DLGAP2: variants seen among roughly 807,000 people sequenced by gnomAD.
DLGAP2 encodes the protein DLG associated protein 2, also known as disks large-associated protein 2.
A neutral mutation model predicts 100.3 loss-of-function variants in DLGAP2; 26 were observed. The ratio of observed to expected loss-of-function variants is 0.26; its 90% CI spans 0.19 to 0.36. DLGAP2 has a LOEUF of 0.36. Among genes scored for constraint, DLGAP2 ranks in the 10% least tolerant of loss-of-function variants. DLGAP2 has a pLI of 1.00. For synonymous variants in DLGAP2, 886 were observed against 630.1 expected (o/e 1.41, Z -6.08); for missense variants, 1,858 against 1,453.2 (o/e 1.28, Z -4.53).
In DLGAP2 at chr8:1,433,272, C is replaced by G. The variant is rs186500744; in HGVS notation, c.107-68094C>G. On this transcript the variant is annotated intron_variant, in intron 3 of 14. Coordinates refer to ENST00000637795, the MANE Select transcript of DLGAP2 (RefSeq NM_001346810.2). ...CTCTGGCAACAGAACCCATCCAGCT[C>G]TCTGCTCTACATGTTCCGAAACAAC... 7.3e-3 allele frequency among the ~76,000 whole-genome samples: 1,105 copies of G among 152,344 alleles called. 7 individuals carry two copies. Among genetic ancestry groups the G allele is most frequent in the Non-Finnish European group, 0.012 (809 of 68,024 alleles).
At chr8:895,404 A>T (rs1229953945) in intron 1 of DLGAP2, among the ~76,000 whole-genome samples, 3 of 152,182 alleles carry the variant, frequency 2.0e-5, no homozygotes, top group Non-Finnish European at 4.4e-5. Flanking sequence ...GAGACACAGC[A>T]GCTCTTTCCA....
intron 2 of DLGAP2, among the ~76,000 whole-genome samples, chr8:935,781 G>C (rs1799057143): frequency 6.6e-6 from 1 of 152,180 alleles, no homozygotes; most frequent in African/African-American, 2.4e-5. Context: ...GTTCCTGTTT[G>C]TTGGATACTC....
intron 2 of DLGAP2, among the ~76,000 whole-genome samples, chr8:1,119,312 T>C (rs968720637): frequency 6.6e-6 from 1 of 152,224 alleles, no homozygotes; most frequent in Non-Finnish European, 1.5e-5. Context: ...CTGCAAAATA[T>C]TTTAGTGTCC....
At chr8:1,528,840 C>A (rs1165716133) in intron 4 of DLGAP2, among the ~76,000 whole-genome samples, 1 of 152,194 alleles carries the variant, frequency 6.6e-6, no homozygotes, top group East Asian at 1.9e-4. Flanking sequence ...TTACAGAAAG[C>A]AAACAAATGC....
chr8:988,959 C>A (rs997604244), intron 2 of DLGAP2, among the ~76,000 whole-genome samples: 5 of 152,236 alleles, frequency 3.3e-5, no homozygotes, highest in African/African-American at 1.2e-4. Context: ...TACCTCTTTT[C>A]TTCTCAGGTC....
At chr8:873,794 C>T (rs562748531) in intron 1 of DLGAP2, among the ~76,000 whole-genome samples, 38 of 152,142 alleles carry the variant, frequency 2.5e-4, no homozygotes, top group African/African-American at 8.7e-4. Flanking sequence ...TGTTTTGTGG[C>T]TTAGTTAAGG....
At chr8:1,515,738 A>T (rs986573961) in intron 4 of DLGAP2, among the ~76,000 whole-genome samples, 12 of 133,310 alleles carry the variant, frequency 9.0e-5, no homozygotes, top group African/African-American at 2.7e-4. Context: ...GCACACTCAC[A>T]CACTTGTATG....
chr8:1,044,891 T>G (rs1802474801), intron 2 of DLGAP2, among the ~76,000 whole-genome samples: 1 of 152,192 alleles, frequency 6.6e-6, no homozygotes, highest in Non-Finnish European at 1.5e-5. Context: ...GTTCTGAATA[T>G]TCAAACCTTC....
chr8:1,236,239 C>A (rs1176258764), intron 2 of DLGAP2, among the ~76,000 whole-genome samples: 1 of 66,772 alleles, frequency 1.5e-5, no homozygotes, highest in Non-Finnish European at 2.8e-5. Flanking sequence ...TCTCACATGG[C>A]ACCATGTCTA....
At chr8:1,233,361 T>G (rs1798576936) in intron 2 of DLGAP2, among the ~76,000 whole-genome samples, 1 of 152,240 alleles carries the variant, frequency 6.6e-6, no homozygotes, top group Non-Finnish European at 1.5e-5. Flanking sequence ...TAAGAAGCCT[T>G]TAATTCAATA....
intron 3 of DLGAP2, among the ~76,000 whole-genome samples, chr8:1,428,707 A>T (rs868564433): frequency 2.6e-5 from 4 of 152,370 alleles, no homozygotes; most frequent in Middle Eastern, 6.8e-3. Context: ...TATCTCAGGA[A>T]TGCAAGGATG....
At chr8:1,051,448 G>A (rs559498392) in intron 2 of DLGAP2, among the ~76,000 whole-genome samples, 1 of 152,136 alleles carries the variant, frequency 6.6e-6, no homozygotes, top group Non-Finnish European at 1.5e-5. Flanking sequence ...TCAGCACGTG[G>A]GGAGTGTGCT....
chr8:881,666 A>ATATATATCTATATATATATAT, intron 1 of DLGAP2, among the ~76,000 whole-genome samples: 1 of 131,048 alleles, frequency 7.6e-6, no homozygotes, highest in African/African-American at 2.7e-5. Flanking sequence ...CTTGTGGCTG[A>ATATATATCTATATATATATAT]ACACACACAC....
intron 2 of DLGAP2, among the ~76,000 whole-genome samples, chr8:976,139 T>A (rs767286648): frequency 3.3e-5 from 5 of 152,154 alleles, no homozygotes; most frequent in Non-Finnish European, 5.9e-5. Context: ...CAAGAAAGCA[T>A]GCATAAGATC....
chr8:1,228,753 A>C (rs994133972), intron 2 of DLGAP2, among the ~76,000 whole-genome samples: 28 of 152,242 alleles, frequency 1.8e-4, no homozygotes, highest in Non-Finnish European at 7.3e-5. Context: ...ATAACACTCA[A>C]CAAACTGGAA....
chr8:1,557,187 G>C (rs763242443), intron 5 of DLGAP2, among the ~76,000 whole-genome samples: 1 of 152,158 alleles, frequency 6.6e-6, no homozygotes, highest in African/African-American at 2.4e-5. Context: ...TCCCCTGGGG[G>C]CAGAATTACC....
rs1233332879 is a variant in DLGAP2 at position 840,547 on chromosome 8, T to C, written c.19-67365T>C. 7.5e-5 allele frequency among the ~76,000 whole-genome samples: 6 copies of C among 79,972 alleles called. 1 individual carries two copies. The highest frequency in any genetic ancestry group is 1.1e-4 in the Non-Finnish European group (4 of 35,950). The allele number at this position is 79,972 out of a possible 152,430, so 52.5% of individuals were successfully genotyped here. A position where few individuals can be genotyped will look rare whatever the true frequency, so the allele number is the denominator to read the frequency against. ...CACGCCTGCACGTCTCCCCACACTC[T>C]GGATTCTGCGAGCGCGTCCACACGG... On this transcript the variant is annotated intron_variant, in intron 1 of 14. Transcript: ENST00000637795.
intron 3 of DLGAP2, among the ~76,000 whole-genome samples, chr8:1,302,812 C>T (rs1800390402): frequency 6.6e-6 from 1 of 152,272 alleles, no homozygotes; most frequent in Non-Finnish European, 1.5e-5. Context: ...CCCCTCGCCC[C>T]AGGAGGCCCA....
chr8:798,128 G>T (rs1393213700), intron 1 of DLGAP2, among the ~76,000 whole-genome samples: 1 of 152,236 alleles, frequency 6.6e-6, no homozygotes, highest in African/African-American at 2.4e-5. Flanking sequence ...TTGTCTGTCA[G>T]CTGAAAGATC....
Sources: allele counts gnomAD v4.1 joint callset (sites outside exome capture counted in the v4.1 genomes callset), GRCh38; gene constraint gnomAD v4.1.1; transcripts MANE v1.5; gene names NCBI Gene and HGNC (gene_info 2026-07-23, HGNC 2026-07-21).